The following FRY variants were observed in gnomAD, a reference collection of about 807,000 sequenced individuals.
FRY encodes FRY microtubule binding protein.
Under a neutral mutation model 348.4 loss-of-function variants are expected in FRY, and 128 were observed. The ratio of observed to expected loss-of-function variants is 0.37; its 90% CI spans 0.32 to 0.43. The LOEUF (loss-of-function observed/expected upper bound fraction) is 0.43. Among genes scored for constraint, FRY ranks in the 20% least tolerant of loss-of-function variants. The pLI is 1.00. For missense variants in FRY, 2,736 were observed against 3,695.2 expected, an observed-to-expected ratio of 0.74 and a Z score of 6.73; for synonymous variants, 1,370 against 1,374.7, an observed-to-expected ratio of 1.00 and a Z score of 0.08.
intron 1 of FRY, among the ~76,000 whole-genome samples, chr13:32,039,709 G>T (rs1446937956): frequency 1.3e-5 from 2 of 152,068 alleles, no homozygotes; most frequent in African/African-American, 4.8e-5. Context: ...GTCTGATTTG[G>T]TTTAATTCCT....
intron 7 of FRY, among the ~76,000 whole-genome samples, chr13:32,126,027 AT>A (rs1316432733): frequency 6.6e-6 from 1 of 152,244 alleles, no homozygotes; most frequent in African/African-American, 2.4e-5. Context: ...TATTAAAATA[AT>A]TGTGGTTCAT....
At position 32,278,592 on chromosome 13, in the gene FRY, T is replaced by C. The variant is rs759468875; in HGVS notation, c.8469+44T>C. The stretch of plus-strand genomic sequence containing the variant: ...AATGGGTCTCTTGTGTGCTCTAACA[T>C]TGTGTATTAGTTTTGGTCTACCCAA... On this transcript the variant is annotated intron_variant, in intron 58 of 60. Coordinates refer to ENST00000542859, the MANE Select transcript of FRY (RefSeq NM_023037.3). The C allele has an allele frequency of 2.9e-6, 3 of 1,030,826 alleles. No individual in the cohort carries two copies. The Admixed American group carries it at 5.1e-5, about 17-fold the overall frequency. 63.9% of individuals were successfully genotyped at this position (1,030,826 alleles called of 1,614,324 possible). A position where few individuals can be genotyped will look rare whatever the true frequency, so the allele number is the denominator to read the frequency against.
chr13:32,245,348 T>A (rs1186503476), intron 47 of FRY, among the ~76,000 whole-genome samples: 5 of 151,498 alleles, frequency 3.3e-5, no homozygotes, highest in Non-Finnish European at 7.4e-5. Context: ...GCTTATCCTG[T>A]AATCCCAGCA....
Position 32,225,782 on chromosome 13 carries a change from G to A in FRY, c.5021-7G>A, listed in dbSNP as rs761882668. 2 of 1,609,640 alleles carry A rather than the reference G, an allele frequency of 1.2e-6. No individual in the cohort carries two copies. The highest frequency in any genetic ancestry group is 1.7e-6 in the Non-Finnish European group (2 of 1,175,880). ...GTTTATACTTAGATTCTACTGTTTT[G>A]TTCCAGGTTTAGACCACTACCGGCC... On this transcript the variant is annotated splice_region_variant and splice_polypyrimidine_tract_variant and intron_variant, in intron 38 of 60. Transcript: ENST00000542859.
intron 59 of FRY, chr13:32,292,138 A>T (rs1329580890): frequency 6.3e-6 from 2 of 318,660 alleles, no homozygotes; most frequent in Non-Finnish European, 1.3e-5. Flanking sequence ...CCGCACCACC[A>T]TGCCCAGCTA....
At chr13:32,222,574 A>T (rs1214140219) in intron 36 of FRY, among the ~76,000 whole-genome samples, 2 of 152,198 alleles carry the variant, frequency 1.3e-5, no homozygotes, top group Non-Finnish European at 2.9e-5. Flanking sequence ...TGAGACAGTT[A>T]AGGAGGCCAT....
At chr13:32,150,808 G>A (rs1880742180) in intron 14 of FRY, among the ~76,000 whole-genome samples, 1 of 152,184 alleles carries the variant, frequency 6.6e-6, no homozygotes, top group Admixed American at 6.5e-5. Flanking sequence ...TAGTAGCAGA[G>A]GGGACCCAGG....
chr13:32,063,601 C>T (rs1344515581), intron 1 of FRY, among the ~76,000 whole-genome samples: 2 of 152,196 alleles, frequency 1.3e-5, no homozygotes, highest in Admixed American at 1.3e-4. Flanking sequence ...TGCTATTTTT[C>T]TCTTCTCCTG....
At chr13:32,108,349 A>G (rs1877715290) in intron 3 of FRY, among the ~76,000 whole-genome samples, 2 of 152,220 alleles carry the variant, frequency 1.3e-5, no homozygotes, top group South Asian at 4.1e-4. Context: ...GATGATGAGG[A>G]AGATAGGAAA....
chr13:32,034,154 T>C (rs1362183485), intron 1 of FRY, among the ~76,000 whole-genome samples: 4 of 152,354 alleles, frequency 2.6e-5, no homozygotes, highest in South Asian at 4.1e-4. Context: ...GTGGTGCTTA[T>C]TTACAAAAGT....
chr13:32,186,201 A>C (rs1883018271), intron 26 of FRY, 59 bp from the exon 27 acceptor site: 5 of 1,205,908 alleles, frequency 4.1e-6, no homozygotes, highest in African/African-American at 1.5e-5. Context: ...AGAAATATAT[A>C]TAATAGCGAT....
At chr13:32,117,628 C>A (rs909481088) in intron 4 of FRY, among the ~76,000 whole-genome samples, 155 bp downstream of exon 4, 1 of 152,118 alleles carries the variant, frequency 6.6e-6, no homozygotes, top group Non-Finnish European at 1.5e-5. Context: ...AGCAGGTAAC[C>A]CATTTGGAGC....
intron 2 of FRY, among the ~76,000 whole-genome samples, chr13:32,088,276 A>C (rs533995442): frequency 1.3e-5 from 2 of 152,370 alleles, no homozygotes; most frequent in South Asian, 4.1e-4. Context: ...ATAGAATCAA[A>C]GCAATGCTGT....
At chr13:32,079,517 C>T (rs1337072988) in intron 2 of FRY, among the ~76,000 whole-genome samples, 1 of 152,130 alleles carries the variant, frequency 6.6e-6, no homozygotes, top group African/African-American at 2.4e-5. Flanking sequence ...TTTGATGAGT[C>T]GTTCAGAAAT....
intron 2 of FRY, among the ~76,000 whole-genome samples, chr13:32,101,181 T>C (rs997083965): frequency 2.6e-4 from 40 of 152,304 alleles, no homozygotes; most frequent in African/African-American, 8.7e-4. Context: ...AATTTGACTT[T>C]TGTTGATTTC....
At chr13:32,120,662 T>C (rs1878595596) in intron 4 of FRY, among the ~76,000 whole-genome samples, 1 of 152,182 alleles carries the variant, frequency 6.6e-6, no homozygotes, top group Non-Finnish European at 1.5e-5. Context: ...TGTATCATTC[T>C]TTTTTGTTTG....
At chr13:32,234,314 T>G (rs745531607) in intron 41 of FRY, among the ~76,000 whole-genome samples, 1 of 151,962 alleles carries the variant, frequency 6.6e-6, no homozygotes, top group Non-Finnish European at 1.5e-5. Context: ...TCCCAGCTAC[T>G]TGGGAGACTG....
intron 1 of FRY, among the ~76,000 whole-genome samples, chr13:32,048,352 C>T (rs1029805493): frequency 6.6e-6 from 1 of 152,112 alleles, no homozygotes; most frequent in Non-Finnish European, 1.5e-5. Context: ...CCTCTGTAAC[C>T]CTCACCTGTT....
At chr13:32,138,904 G>A (rs1340797341) in intron 11 of FRY, among the ~76,000 whole-genome samples, 1 of 152,204 alleles carries the variant, frequency 6.6e-6, no homozygotes, top group Non-Finnish European at 1.5e-5. Context: ...AAAGGTAGGA[G>A]CAGGGAGATA....
Sources: gnomAD v4.1 joint callset for allele counts (sites outside exome capture counted in the v4.1 genomes callset) on GRCh38, gnomAD v4.1.1 for gene constraint, MANE v1.5 for transcripts, NCBI Gene and HGNC (gene_info 2026-07-23, HGNC 2026-07-21) for gene names.